RGSL1: variants seen among roughly 807,000 people sequenced by gnomAD.
RGSL1 encodes regulator of G protein signaling protein-like.
RGSL1 carries 97 observed loss-of-function variants against 124.7 expected under a neutral mutation model. That is an observed-to-expected ratio of 0.78 (90% CI 0.66 to 0.92). The LOEUF (loss-of-function observed/expected upper bound fraction) is 0.92. Among genes scored for constraint, RGSL1 ranks in the 40% least tolerant of loss-of-function variants. The pLI, the probability that RGSL1 is intolerant of heterozygous loss-of-function variation, is 0.00. For missense variants in RGSL1, 1,233 were observed against 1,288.4 expected (o/e 0.96, Z 0.66); for synonymous variants, 424 against 438.1 (o/e 0.97, Z 0.40).
chr1:182,529,463 C>G (rs897455339), intron 11 of RGSL1, among the ~76,000 whole-genome samples: 4 of 152,106 alleles, frequency 2.6e-5, no homozygotes, highest in Non-Finnish European at 4.4e-5. Flanking sequence ...ATCTTTGTTT[C>G]ATAAGTTGTG....
intron 9 of RGSL1, among the ~76,000 whole-genome samples, chr1:182,519,669 TTCTA>T (rs908195069): frequency 6.6e-6 from 1 of 152,152 alleles, no homozygotes; most frequent in Non-Finnish European, 1.5e-5. Context: ...TCCTGCTCCA[TTCTA>T]TCTATTCTGA....
chr1:182,511,522 A>G (rs1657461351), intron 9 of RGSL1, among the ~76,000 whole-genome samples: 1 of 152,070 alleles, frequency 6.6e-6, no homozygotes, highest in African/African-American at 2.4e-5. Context: ...TTATTTCCCC[A>G]TTGTATCTTC....
At chr1:182,536,417 G>T (rs1302380906) in intron 14 of RGSL1, among the ~76,000 whole-genome samples, 1 of 152,182 alleles carries the variant, frequency 6.6e-6, no homozygotes, top group Non-Finnish European at 1.5e-5. Context: ...TTTCACCACT[G>T]ATGTATGAAA....
intron 15 of RGSL1, among the ~76,000 whole-genome samples, chr1:182,546,204 T>C (rs1360217183): frequency 1.3e-5 from 2 of 152,226 alleles, no homozygotes; most frequent in Non-Finnish European, 2.9e-5. Context: ...AGTTTCCATA[T>C]GGGAGAATGA....
intron 9 of RGSL1, among the ~76,000 whole-genome samples, chr1:182,511,314 G>A (rs1460123959): frequency 1.3e-5 from 2 of 152,100 alleles, no homozygotes; most frequent in Non-Finnish European, 2.9e-5. Context: ...ACAAGCATGT[G>A]CCACCATGCC....
At chr1:182,454,854 G>A (rs1409940196) in intron 2 of RGSL1, among the ~76,000 whole-genome samples, 1 of 152,164 alleles carries the variant, frequency 6.6e-6, no homozygotes, top group Non-Finnish European at 1.5e-5. Context: ...AATCCTTGGT[G>A]ACATTTTAAC....
intron 4 of RGSL1, among the ~76,000 whole-genome samples, chr1:182,468,439 A>G (rs1162522159): frequency 2.0e-5 from 3 of 152,236 alleles, no homozygotes; most frequent in Non-Finnish European, 2.9e-5. Context: ...ATGCAGCCAT[A>G]AAAAATGATG....
intron 18 of RGSL1, 77 bp downstream of exon 18, chr1:182,551,286 C>A: frequency 2.5e-6 from 3 of 1,189,886 alleles, no homozygotes; most frequent in South Asian, 1.3e-5. Context: ...CCCAAGGGGC[C>A]AAATTCAAGA....
chr1:182,491,658 C>G (rs954987565), intron 8 of RGSL1, among the ~76,000 whole-genome samples: 2 of 151,652 alleles, frequency 1.3e-5, no homozygotes, highest in South Asian at 2.1e-4. Context: ...CACTTTTGGT[C>G]AAGATTCTCC....
At chr1:182,518,206 AT>A (rs936813688) in intron 9 of RGSL1, among the ~76,000 whole-genome samples, 2 of 151,978 alleles carry the variant, frequency 1.3e-5, no homozygotes, top group African/African-American at 4.8e-5. Context: ...TACCCAGCTA[AT>A]TTTTTTAATA....
chr1:182,453,939 T>C lies in RGSL1; in HGVS notation c.14-19T>C. The C allele has an allele frequency of 7.6e-7, 1 of 1,320,726 alleles. No homozygotes were observed. The allele number at this position is 1,320,726 out of a possible 1,614,324, so 81.8% of individuals were successfully genotyped here. On this transcript the variant is annotated intron_variant, in intron 1 of 21. Coordinates refer to ENST00000294854, the MANE Select transcript of RGSL1 (RefSeq NM_001137669.2). ...TTCTGGTTCATGTTTTGTTTTTTTA[T>C]TTCTCTCTCTCCATATAGAGATAAT...
chr1:182,470,658 T>C (rs530448016), intron 4 of RGSL1, among the ~76,000 whole-genome samples: 1 of 152,322 alleles, frequency 6.6e-6, no homozygotes, highest in African/African-American at 2.4e-5. Flanking sequence ...ATTATGCTTA[T>C]TGTGTGCCTG....
intron 15 of RGSL1, among the ~76,000 whole-genome samples, chr1:182,547,051 C>G (rs904104441): frequency 6.6e-6 from 1 of 152,226 alleles, no homozygotes; most frequent in Admixed American, 6.5e-5. Context: ...ATCTTCTACT[C>G]ACCCCAGTGA....
intron 19 of RGSL1, among the ~76,000 whole-genome samples, chr1:182,553,962 G>A (rs1660715173): frequency 6.6e-6 from 1 of 152,098 alleles, no homozygotes; most frequent in African/African-American, 2.4e-5. Flanking sequence ...CCTGCTTCCT[G>A]GAGGCTCCTG....
At chr1:182,489,936 C>T (rs1655395556) in intron 8 of RGSL1, among the ~76,000 whole-genome samples, 1 of 152,112 alleles carries the variant, frequency 6.6e-6, no homozygotes, top group African/African-American at 2.4e-5. Flanking sequence ...CTTTAATTAT[C>T]TATGTTGAGG....
chr1:182,494,973 A>G (rs6674080), intron 9 of RGSL1, among the ~76,000 whole-genome samples: 2,551 of 152,344 alleles, frequency 0.017, 71 homozygotes, highest in African/African-American at 0.058. Flanking sequence ...TTGAGGGATC[A>G]ATCACTTATA....
chr1:182,497,220 GAGATAGAAAGAT>G (rs1270753230), intron 9 of RGSL1, among the ~76,000 whole-genome samples: 5 of 149,858 alleles, frequency 3.3e-5, no homozygotes, highest in Admixed American at 2.0e-4. Context: ...GAATGAAAAA[GAGATAGAAAGAT>G]AGATAGATAG....
intron 20 of RGSL1, chr1:182,555,703 T>C (rs1320184160): frequency 3.2e-6 from 1 of 316,218 alleles, no homozygotes; most frequent in Non-Finnish European, 5.8e-6. Flanking sequence ...GCCAAGTCAC[T>C]TCTCAGGCCT....
At chr1:182,528,028 A>G (rs1382201437) in intron 11 of RGSL1, among the ~76,000 whole-genome samples, 5 of 152,228 alleles carry the variant, frequency 3.3e-5, no homozygotes, top group African/African-American at 1.2e-4. Context: ...TAATTTATAA[A>G]GAAAAGAGGA....
Sources: allele counts gnomAD v4.1 joint callset (sites outside exome capture counted in the v4.1 genomes callset), GRCh38; gene constraint gnomAD v4.1.1; transcripts MANE v1.5; gene names NCBI Gene and HGNC (gene_info 2026-07-23, HGNC 2026-07-21).